Variants in ATG4C observed in about 807,000 individuals in gnomAD.
ATG4C encodes autophagy related 4C cysteine peptidase, also known as cysteine protease ATG4C.
Under a neutral mutation model 57.6 loss-of-function variants are expected in ATG4C, and 56 were observed. The ratio of observed to expected loss-of-function variants is 0.97; its 90% confidence interval spans 0.78 to 1.21. The LOEUF (loss-of-function observed/expected upper bound fraction) is 1.21. Ranked by LOEUF, ATG4C falls within the 50% of genes most tolerant of loss-of-function variation. The probability of loss-of-function intolerance (pLI) is 0.00; values close to 1 mark genes in which losing one functional copy is unlikely to be tolerated. For missense variants in ATG4C, 595 were observed against 529.8 expected (o/e 1.12, Z -1.21); for synonymous variants, 157 against 174.1 (o/e 0.90, Z 0.78).
At chr1:62,834,003 C>G (rs771858498) in intron 7 of ATG4C, 35 bp from the exon 8 acceptor site, 2 of 1,575,020 alleles carry the variant, frequency 1.3e-6, no homozygotes, top group Non-Finnish European at 1.7e-6. Flanking sequence ...TACCACTTGC[C>G]TCTTGACTAA....
At position 62,803,801 on chromosome 1, in the gene ATG4C, A is replaced by G. The variant is rs1248581339; in HGVS notation, c.15A>G (p.Gly5=). 6.2e-7 allele frequency: 1 copy of G among 1,607,258 alleles called. No homozygotes were observed. Among genetic ancestry groups the G allele is most frequent in the Admixed American group, 1.7e-5 (1 of 59,248 alleles). ...AGAATTTGAATATGGAGGCTACAGG[A>G]ACAGATGAAGTTGACAAGCTAAAAA... MEAT[G]TDEVDKLKTK... Residue 5 remains glycine (G), a synonymous_variant, in exon 2 of 11, where the codon GGA becomes GGG. Transcript: ENST00000317868.
At chr1:62,858,674 G>A (rs1295691555) in intron 10 of ATG4C, among the ~76,000 whole-genome samples, 1 of 152,084 alleles carries the variant, frequency 6.6e-6, no homozygotes, top group African/African-American at 2.4e-5. Flanking sequence ...CAGGGAAATG[G>A]TATTTTAAGA....
chr1:62,834,593 A>G lies in ATG4C; in HGVS notation c.1013-183A>G, dbSNP rs78728297. Among the ~76,000 whole-genome samples, 1,041 of 152,172 alleles carry G rather than the reference A, an allele frequency of 6.8e-3. 14 individuals carry two copies. Among genetic ancestry groups the G allele is most frequent in the African/African-American group, 0.024 (991 of 41,570 alleles). ...ACTTTATAAAAATTCTGCTTATACAAGCATATTTGATTATGCAAAAGTTAA... is the reference window on the plus strand; with the variant it reads ...ACTTTATAAAAATTCTGCTTATACAGGCATATTTGATTATGCAAAAGTTAA... On this transcript the variant is annotated intron_variant, in intron 8 of 10. Transcript: ENST00000317868.
intron 4 of ATG4C, among the ~76,000 whole-genome samples, chr1:62,818,779 G>T (rs1457117687): frequency 6.6e-6 from 1 of 151,886 alleles, no homozygotes; most frequent in Non-Finnish European, 1.5e-5. Flanking sequence ...TCTAATTTTA[G>T]AACACTTTTA....
chr1:62,792,775 G>A (rs1344699716), intron 1 of ATG4C, among the ~76,000 whole-genome samples: 2 of 152,130 alleles, frequency 1.3e-5, no homozygotes, highest in African/African-American at 2.4e-5. Context: ...ACTGCAGTTG[G>A]CAAGGATGTT....
intron 6 of ATG4C, among the ~76,000 whole-genome samples, chr1:62,823,751 A>G (rs1355746061): frequency 6.6e-6 from 1 of 152,074 alleles, no homozygotes; most frequent in Non-Finnish European, 1.5e-5. Context: ...TTCCTTAGAC[A>G]TGGTGTCATT....
At chr1:62,810,683 G>C (rs1414251337) in intron 3 of ATG4C, among the ~76,000 whole-genome samples, 1 of 150,588 alleles carries the variant, frequency 6.6e-6, no homozygotes, top group East Asian at 1.9e-4. Flanking sequence ...TATCAGATAG[G>C]AAGCTAGCAA....
chr1:62,825,275 C>A (rs1557977189), intron 6 of ATG4C, among the ~76,000 whole-genome samples: 1 of 151,106 alleles, frequency 6.6e-6, no homozygotes, highest in South Asian at 2.1e-4. Context: ...TTGTGCCCAC[C>A]CCAAAACTGC....
intron 9 of ATG4C, among the ~76,000 whole-genome samples, chr1:62,841,118 T>C (rs1666152830): frequency 6.6e-6 from 1 of 152,234 alleles, no homozygotes. Flanking sequence ...CATACTTTTT[T>C]CATGTCTTTT....
intron 10 of ATG4C, among the ~76,000 whole-genome samples, chr1:62,850,097 ATAAAG>A (rs1325066193): frequency 6.6e-6 from 1 of 152,204 alleles, no homozygotes; most frequent in Non-Finnish European, 1.5e-5. Flanking sequence ...AAATTATAAA[ATAAAG>A]TAAAATAACA....
chr1:62,840,846 C>G (rs1239413028), intron 9 of ATG4C, among the ~76,000 whole-genome samples: 1 of 152,192 alleles, frequency 6.6e-6, no homozygotes, highest in African/African-American at 2.4e-5. Flanking sequence ...CTGTTCCAGC[C>G]TGTTCCCTGA....
intron 9 of ATG4C, among the ~76,000 whole-genome samples, chr1:62,836,351 G>C (rs1431412389): frequency 6.6e-6 from 1 of 151,904 alleles, no homozygotes; most frequent in Non-Finnish European, 1.5e-5. Flanking sequence ...TTATATAGTG[G>C]GACACTTATA....
chr1:62,822,950 T>A (rs1665529267), intron 6 of ATG4C, among the ~76,000 whole-genome samples: 1 of 152,074 alleles, frequency 6.6e-6, no homozygotes, highest in African/African-American at 2.4e-5. Flanking sequence ...AGCCCAGCAG[T>A]TCAAGACTAG....
intron 10 of ATG4C, among the ~76,000 whole-genome samples, chr1:62,859,249 A>G (rs1160708947): frequency 6.6e-6 from 1 of 152,214 alleles, no homozygotes; most frequent in Admixed American, 6.5e-5. Context: ...GTAAGTATAT[A>G]TAATGCAAAT....
intron 7 of ATG4C, among the ~76,000 whole-genome samples, chr1:62,831,525 C>T (rs1260627921): frequency 2.0e-5 from 3 of 152,176 alleles, no homozygotes; most frequent in South Asian, 2.1e-4. Context: ...CTTTATTCGT[C>T]CTTACCACAG....
chr1:62,819,201 T>C lies in ATG4C; in HGVS notation c.591T>C (p.His197=), dbSNP rs754882812. ...ATGAAATGCGAAATGAAGTTTATCA[T>C]AGGAAAATCATCTCTTGGTTTGGTG... is the stretch of plus-strand genomic sequence containing the variant. ...DDHEMRNEVY[H]RKIISWFGDS... Residue 197 remains histidine, a synonymous_variant, in exon 5 of 11, where the codon CAT becomes CAC. Coordinates refer to ENST00000317868, the MANE Select transcript of ATG4C (RefSeq NM_032852.4). The C allele has an allele frequency of 1.7e-5, 27 of 1,613,538 alleles. No individual in the cohort carries two copies. The highest frequency in any genetic ancestry group is 1.3e-4 in the Admixed American group (8 of 59,936).
intron 10 of ATG4C, among the ~76,000 whole-genome samples, chr1:62,860,666 C>A (rs1002712994): frequency 6.6e-6 from 1 of 152,114 alleles, no homozygotes; most frequent in African/African-American, 2.4e-5. Context: ...TGCATATCAC[C>A]CTTTAAACAA....
chr1:62,816,685 T>C lies in ATG4C; in HGVS notation c.271T>C (p.Tyr91His), dbSNP rs1414246366. The change falls in exon 4 of 11, where the codon TAC (tyrosine) becomes CAC (histidine). Residue 91 changes from tyrosine to histidine, a missense_variant. Physicochemically the swap from Tyr to His is moderately conservative, Grantham distance 83. Coordinates refer to ENST00000317868, the MANE Select transcript of ATG4C (RefSeq NM_032852.4). ...TTTCATTTCTAGAATATGGCTGACC[T>C]ACAGGGAAGAATTCCCTCAAATAGA... is the stretch of plus-strand genomic sequence containing the variant. ...KDFISRIWLT[Y>H]REEFPQIEGS... 6.2e-7 allele frequency: 1 copy of C among 1,613,902 alleles called. No individual in the cohort carries two copies.
chr1:62,825,466 A>G (rs1317144037), intron 6 of ATG4C, among the ~76,000 whole-genome samples: 1 of 151,986 alleles, frequency 6.6e-6, no homozygotes, highest in Non-Finnish European at 1.5e-5. Flanking sequence ...TCACTCCTTC[A>G]CAGCCTGGTT....
Sources: gnomAD v4.1 joint callset for allele counts (sites outside exome capture counted in the v4.1 genomes callset) on GRCh38, gnomAD v4.1.1 for gene constraint, MANE v1.5 for transcripts, NCBI Gene and HGNC (gene_info 2026-07-23, HGNC 2026-07-21) for gene names.